PEAK1: variants seen among roughly 807,000 people sequenced by gnomAD.
PEAK1 encodes the protein inactive tyrosine-protein kinase PEAK1.
Under a neutral mutation model 124.7 loss-of-function variants are expected in PEAK1, and 54 were observed. That is an observed-to-expected ratio of 0.43 (90% CI 0.35 to 0.54). The LOEUF (loss-of-function observed/expected upper bound fraction) is 0.54, where lower values mean the gene tolerates loss of function less well. Among genes scored for constraint, PEAK1 ranks in the 20% least tolerant of loss-of-function variants. The pLI is 0.01. For missense variants in PEAK1, 2,046 were observed against 2,134.5 expected (o/e 0.96, Z 0.82); for synonymous variants, 719 against 760.0 (o/e 0.95, Z 0.89).
chr15:77,256,804 C>A (rs1161907997), intron 5 of PEAK1, among the ~76,000 whole-genome samples: 5 of 151,850 alleles, frequency 3.3e-5, no homozygotes, highest in African/African-American at 9.7e-5. Context: ...TATACATGTG[C>A]CATGCTGGTG....
intron 5 of PEAK1, among the ~76,000 whole-genome samples, chr15:77,262,411 GA>G (rs2061488394): frequency 6.7e-6 from 1 of 148,826 alleles, no homozygotes; most frequent in African/African-American, 2.5e-5. Flanking sequence ...AGGGATGGAG[GA>G]AGATCTACTA....
intron 1 of PEAK1, among the ~76,000 whole-genome samples, chr15:77,400,413 T>C (rs1403090071): frequency 2.6e-5 from 4 of 152,042 alleles, no homozygotes; most frequent in Admixed American, 1.3e-4. Context: ...AAGCAACCTA[T>C]GTCCATCAAC....
intron 7 of PEAK1, among the ~76,000 whole-genome samples, chr15:77,176,363 C>T (rs1388791781): frequency 6.6e-6 from 1 of 150,692 alleles, no homozygotes; most frequent in Non-Finnish European, 1.5e-5. Context: ...CACTGCTTTA[C>T]TCAGACTATA....
At position 77,378,461 on chromosome 15, in the gene PEAK1, C is replaced by T. The variant is rs116476587; in HGVS notation, c.-665-13236G>A. Reference sequence around the variant, plus strand: ...AACTGCCAGGAATCTTGCTACTTCACGGTATTATTTACATATTACAAATTA... The same window carrying T: ...AACTGCCAGGAATCTTGCTACTTCATGGTATTATTTACATATTACAAATTA... On this transcript the variant is annotated intron_variant, in intron 1 of 9. Transcript: ENST00000682557. Among the ~76,000 whole-genome samples, 718 of 152,036 alleles carry T rather than the reference C, an allele frequency of 4.7e-3. 6 individuals carry two copies. Among genetic ancestry groups the T allele is most frequent in the African/African-American group, 0.017 (685 of 41,496 alleles).
At chr15:77,347,391 C>A in intron 2 of PEAK1, 1 of 985,268 alleles carries the variant, frequency 1.0e-6, no homozygotes, top group South Asian at 4.7e-5. Context: ...CAGAAAGAAT[C>A]GGCATCAGAG....
intron 2 of PEAK1, among the ~76,000 whole-genome samples, chr15:77,306,399 G>A (rs904277053): frequency 1.3e-5 from 2 of 151,942 alleles, no homozygotes; most frequent in African/African-American, 4.8e-5. Flanking sequence ...GAAATTATTT[G>A]GTTTACCTGC....
chr15:77,372,498 C>T (rs979510868), intron 1 of PEAK1, among the ~76,000 whole-genome samples: 7 of 152,148 alleles, frequency 4.6e-5, no homozygotes, highest in African/African-American at 1.4e-4. Context: ...TGTGTTTGCT[C>T]ATTAGAAGCC....
At chr15:77,220,345 C>T (rs1172824233) in intron 6 of PEAK1, among the ~76,000 whole-genome samples, 2 of 151,880 alleles carry the variant, frequency 1.3e-5, no homozygotes, top group Non-Finnish European at 2.9e-5. Context: ...AATTAAATGT[C>T]TTTTAAAAGT....
intron 2 of PEAK1, among the ~76,000 whole-genome samples, chr15:77,286,835 G>GT (rs2062955285): frequency 6.6e-6 from 1 of 152,152 alleles, no homozygotes; most frequent in Non-Finnish European, 1.5e-5. Context: ...AAACAGTGTA[G>GT]TTTATTATAA....
At chr15:77,217,585 G>C (rs527722880) in intron 6 of PEAK1, among the ~76,000 whole-genome samples, 2 of 152,100 alleles carry the variant, frequency 1.3e-5, no homozygotes, top group Non-Finnish European at 2.9e-5. Context: ...CTACCTCATA[G>C]TTCTGGTTTG....
At chr15:77,123,638 G>A (rs909509172) in intron 9 of PEAK1, among the ~76,000 whole-genome samples, 4 of 152,130 alleles carry the variant, frequency 2.6e-5, no homozygotes, top group African/African-American at 9.7e-5. Context: ...GTCTACTATG[G>A]ATTTAGATAT....
intron 2 of PEAK1, among the ~76,000 whole-genome samples, chr15:77,298,707 T>G (rs901371071): frequency 6.6e-6 from 1 of 152,028 alleles, no homozygotes; most frequent in African/African-American, 2.4e-5. Flanking sequence ...GGTAGGAAAA[T>G]AGTATACTTG....
At chr15:77,281,063 G>A (rs2062646000) in intron 5 of PEAK1, among the ~76,000 whole-genome samples, 1 of 152,086 alleles carries the variant, frequency 6.6e-6, no homozygotes, top group Admixed American at 6.6e-5. Flanking sequence ...GTAATCCCAG[G>A]AGGCTGAGGT....
intron 1 of PEAK1, among the ~76,000 whole-genome samples, chr15:77,398,727 C>G (rs1321810673): frequency 6.6e-6 from 1 of 152,152 alleles, no homozygotes; most frequent in Non-Finnish European, 1.5e-5. Flanking sequence ...CCACTTTCAC[C>G]ACTGTTATTC....
At chr15:77,256,990 C>T (rs2061182198) in intron 5 of PEAK1, among the ~76,000 whole-genome samples, 1 of 149,018 alleles carries the variant, frequency 6.7e-6, no homozygotes, top group South Asian at 2.1e-4. Flanking sequence ...GGTTTTTTGT[C>T]CTTGCGATAG....
intron 7 of PEAK1, among the ~76,000 whole-genome samples, chr15:77,164,239 T>C (rs2055907314): frequency 6.6e-6 from 1 of 152,204 alleles, no homozygotes; most frequent in Non-Finnish European, 1.5e-5. Flanking sequence ...CTATCTAGTG[T>C]CTCCAATTTT....
intron 1 of PEAK1, chr15:77,401,778 T>C (rs1301577503): frequency 4.5e-5 from 44 of 984,982 alleles, no homozygotes; most frequent in Non-Finnish European, 4.8e-5. Context: ...CTGATCTGTA[T>C]TGGAATTTTA....
intron 2 of PEAK1, among the ~76,000 whole-genome samples, chr15:77,296,519 C>A (rs2063494184): frequency 6.6e-6 from 1 of 151,442 alleles, no homozygotes; most frequent in African/African-American, 2.4e-5. Flanking sequence ...GAGGCTGAGG[C>A]AGGAGAATTG....
Position 77,179,926 on chromosome 15 carries a change from T to C in PEAK1, c.2001A>G (p.Glu667=). The C allele has an allele frequency of 6.2e-7, 1 of 1,614,180 alleles. No individual in the cohort carries two copies. The part of the protein sequence containing the change: ...TTSVISHTYE[E]IETESKVPDN... ...CAGGCACTTTGCTTTCTGTTTCTAT[T>C]TCTTCATAAGTATGGCTTATTACAC... Residue 667 remains glutamate, a synonymous_variant, in exon 7 of 10, where the codon GAA becomes GAG. Transcript: ENST00000682557.
Sources: allele counts gnomAD v4.1 joint callset (sites outside exome capture counted in the v4.1 genomes callset), GRCh38; gene constraint gnomAD v4.1.1; transcripts MANE v1.5; gene names NCBI Gene and HGNC (gene_info 2026-07-23, HGNC 2026-07-21).